KIF2C: variants seen among roughly 807,000 people sequenced by gnomAD.
KIF2C encodes the protein kinesin family member 2C, also known as kinesin-like protein KIF2C.
A neutral mutation model predicts 97.4 loss-of-function variants in KIF2C; 34 were observed. The observed-to-expected ratio is 0.35, with a 90% CI of 0.27 to 0.46. The LOEUF is 0.46. Among genes scored for constraint, KIF2C ranks in the 20% least tolerant of loss-of-function variants. KIF2C has a pLI of 1.00. For missense variants in KIF2C, 750 were observed against 907.6 expected (o/e 0.83, Z 2.23); for synonymous variants, 313 against 318.2 (o/e 0.98, Z 0.17).
chr1:44,761,338 G>T (rs1367331498), intron 16 of KIF2C, among the ~76,000 whole-genome samples: 1 of 152,096 alleles, frequency 6.6e-6, no homozygotes, highest in East Asian at 1.9e-4. Context: ...GGGCGCGGTG[G>T]CTCACGCCTG....
At chr1:44,757,775 A>T (rs1452984498) in intron 11 of KIF2C, 129 bp downstream of exon 11, 2 of 1,124,166 alleles carry the variant, frequency 1.8e-6, no homozygotes, top group Admixed American at 3.5e-5. Context: ...TAGCCTTGCC[A>T]TGTCAGATGC....
At position 44,760,555 on chromosome 1, in the gene KIF2C, A is replaced by G; in HGVS notation, c.1573-37A>G. ...GGGATGGGGAGGGATCAGTGCAAGG[A>G]AAGAAGGGACCTCAGTTGTTCCTGC... On this transcript the variant is annotated intron_variant, in intron 15 of 20. Coordinates refer to ENST00000372224, the MANE Select transcript of KIF2C (RefSeq NM_006845.4). The surrounding 1 kb of genome is among the most constrained non-coding windows in gnomAD (Gnocchi z 4.2). 6.2e-7 allele frequency: 1 copy of G among 1,612,538 alleles called. No individual in the cohort carries two copies. Among genetic ancestry groups the G allele is most frequent in the Non-Finnish European group, 8.5e-7 (1 of 1,179,068 alleles).
intron 5 of KIF2C, among the ~76,000 whole-genome samples, chr1:44,752,180 C>T (rs1649565201): frequency 7.0e-6 from 1 of 143,346 alleles, no homozygotes; most frequent in South Asian, 2.2e-4. Context: ...GCTCTGTCGC[C>T]CAGGCTGGAG....
intron 8 of KIF2C, among the ~76,000 whole-genome samples, 171 bp from the exon 9 acceptor site, chr1:44,755,758 C>G (rs1276217136): frequency 2.0e-5 from 3 of 152,150 alleles, no homozygotes; most frequent in African/African-American, 7.2e-5. Flanking sequence ...ATCCAGTGCT[C>G]CCTTCTTGTG....
intron 13 of KIF2C, among the ~76,000 whole-genome samples, chr1:44,758,854 C>CGATA (rs1473160387): frequency 6.6e-6 from 1 of 151,838 alleles, no homozygotes; most frequent in East Asian, 1.9e-4. Flanking sequence ...CCAGCCTGGG[C>CGATA]GATACGAGCG....
intron 1 of KIF2C, 47 bp downstream of exon 1, chr1:44,740,049 C>T: frequency 1.9e-6 from 3 of 1,608,628 alleles, no homozygotes; most frequent in Non-Finnish European, 2.6e-6. Context: ...AGCGGTGAGA[C>T]GACTGAAATT....
chr1:44,763,452 G>C (rs1650273346), intron 19 of KIF2C, among the ~76,000 whole-genome samples: 1 of 152,168 alleles, frequency 6.6e-6, no homozygotes, highest in Non-Finnish European at 1.5e-5. Context: ...GCACTTTCAG[G>C]ATGAATGAGA....
At chr1:44,758,500 T>C (rs1384222664) in intron 13 of KIF2C, among the ~76,000 whole-genome samples, 1 of 152,148 alleles carries the variant, frequency 6.6e-6, no homozygotes, top group African/African-American at 2.4e-5. Context: ...CACCCCTCTC[T>C]CTATTCACTG....
At chr1:44,759,034 G>A (rs540339894) in intron 13 of KIF2C, 172 bp from the exon 14 acceptor site, 3 of 751,210 alleles carry the variant, frequency 4.0e-6, no homozygotes, top group Admixed American at 2.8e-5. Context: ...GAGGCAGTTC[G>A]GCTCAGATCC....
chr1:44,753,405 A>G, intron 6 of KIF2C, 151 bp downstream of exon 6: 8 of 902,264 alleles, frequency 8.9e-6, no homozygotes, highest in Non-Finnish European at 1.3e-5. Flanking sequence ...TCAGTCTTTC[A>G]TTATCAAGAC....
intron 18 of KIF2C, 39 bp from the exon 19 acceptor site, chr1:44,762,506 C>G: frequency 6.2e-7 from 1 of 1,609,686 alleles, no homozygotes; most frequent in Non-Finnish European, 8.5e-7. Flanking sequence ...TGAGGCGGCA[C>G]CTGGGTCACA....
rs1185949780 is a variant in KIF2C, at chr1:44,765,551, C to T, written c.1972-1275C>T. On this transcript the variant is annotated intron_variant, in intron 19 of 20. Coordinates refer to ENST00000372224, the MANE Select transcript of KIF2C (RefSeq NM_006845.4). ...AGTACGGTGAAAGAATAAAGTCACT[C>T]GGGCTGGGCGCGGTGGCTTATGCCT... 2.6e-5 allele frequency among the ~76,000 whole-genome samples: 4 copies of T among 152,008 alleles called. No individual in the cohort carries two copies. In the South Asian group the frequency reaches 6.2e-4, roughly 24 times the overall value.
intron 4 of KIF2C, chr1:44,750,198 C>T (rs1212211817): frequency 2.2e-5 from 7 of 318,134 alleles, no homozygotes; most frequent in Admixed American, 9.9e-5. Context: ...TCAAGACAGC[C>T]GCTCTTTGTG....
At chr1:44,743,286 C>CT (rs575687213) in intron 2 of KIF2C, among the ~76,000 whole-genome samples, 1 of 152,174 alleles carries the variant, frequency 6.6e-6, no homozygotes, top group Admixed American at 6.6e-5. Context: ...TCTGCCACTG[C>CT]TTTGTGTTCT....
In KIF2C at chr1:44,740,997, AG is replaced by A. The variant is rs1648904672; in HGVS notation, c.158del (p.Gly53AlafsTer12). On this transcript the variant is annotated frameshift_variant, in exon 2 of 21. Coordinates refer to ENST00000372224, the MANE Select transcript of KIF2C (RefSeq NM_006845.4). LOFTEE classifies it high-confidence loss of function. The part of the protein sequence containing the change: ...SVEWAEGGAT[K>X]GKEIDFDDVA... The stretch of plus-strand genomic sequence containing the variant: ...GAATGGGCAGAAGGAGGTGCCACAA[AG>A]GGCAAAGAGGTAGGTTCTATGAGAA... 2.5e-6 allele frequency: 4 copies of A among 1,612,532 alleles called. No homozygotes were observed. Among genetic ancestry groups the A allele is most frequent in the Non-Finnish European group, 1.7e-6 (2 of 1,178,790 alleles).
chr1:44,742,682 G>A (rs937330927), intron 2 of KIF2C, among the ~76,000 whole-genome samples: 14 of 144,314 alleles, frequency 9.7e-5, no homozygotes, highest in African/African-American at 3.6e-4. Flanking sequence ...TCATGCCACT[G>A]CACTCCAGCC....
chr1:44,762,328 ACCTCCTTGTTT>A lies in KIF2C; in HGVS notation c.1752-13_1752-3del, dbSNP rs759296767. ...CCAAGGGGGTGCTGTGGGATCTGAG[ACCTCCTTGTTT>A]CCTCAGGGTCAAGGAGCTGAGCCCC... On this transcript the variant is annotated splice_polypyrimidine_tract_variant and splice_region_variant and intron_variant, in intron 17 of 20. Transcript: ENST00000372224. 6.2e-7 allele frequency: 1 copy of A among 1,603,032 alleles called. No homozygotes were observed. The highest frequency in any genetic ancestry group is 8.5e-7 in the Non-Finnish European group (1 of 1,170,258).
rs151261652 is a variant in KIF2C at position 44,751,558 on chromosome 1, G to A, written c.439+994G>A. Among the ~76,000 whole-genome samples, 81 of 148,254 alleles carry A rather than the reference G, an allele frequency of 5.5e-4. 1 individual carries two copies. The East Asian group carries it at 0.01, about 19-fold the overall frequency. On this transcript the variant is annotated intron_variant, in intron 5 of 20. Transcript: ENST00000372224. The stretch of plus-strand genomic sequence containing the variant: ...AATTTTGCTCTTGTTGCCCAGGCTG[G>A]AGGGCAATGACGCTATCTTGGCTAA...
chr1:44,753,091 T>C (rs1183793774), intron 5 of KIF2C, 41 bp from the exon 6 acceptor site: 1 of 1,588,046 alleles, frequency 6.3e-7, no homozygotes, highest in Non-Finnish European at 8.6e-7. Context: ...ATGCCTGTGG[T>C]ATACTTGCCT....
Sources: allele counts gnomAD v4.1 joint callset (sites outside exome capture counted in the v4.1 genomes callset), GRCh38; gene constraint gnomAD v4.1.1; non-coding constraint Gnocchi (gnomAD v3.1); transcripts MANE v1.5; gene names NCBI Gene and HGNC (gene_info 2026-07-23, HGNC 2026-07-21).